Variants in ADGB observed in about 807,000 individuals in gnomAD.
ADGB encodes the protein calpain-7-like protein.
Under a neutral mutation model 210.5 loss-of-function variants are expected in ADGB, and 172 were observed. That is an observed-to-expected ratio of 0.82 (90% CI 0.72 to 0.93). The LOEUF is 0.93. ADGB is among the 40% of genes least tolerant of loss of function. The pLI is 0.00. For synonymous variants in ADGB, 658 were observed against 662.7 expected, an observed-to-expected ratio of 0.99 and a Z score of 0.11; for missense variants, 2,025 against 1,964.8, an observed-to-expected ratio of 1.03 and a Z score of -0.58.
At chr6:146,721,290 A>C (rs924356899) in intron 16 of ADGB, 113 bp from the exon 17 acceptor site, 2 of 688,354 alleles carry the variant, frequency 2.9e-6, no homozygotes, top group Non-Finnish European at 5.0e-6. Flanking sequence ...TGGTGCCTAC[A>C]ACACAGTAAG....
chr6:146,712,253 T>C (rs570399849), intron 13 of ADGB, among the ~76,000 whole-genome samples: 106 of 152,066 alleles, frequency 7.0e-4, no homozygotes, highest in Admixed American at 8.5e-4. Context: ...GGAGTGATCT[T>C]GGCTCACTGA....
intron 13 of ADGB, 115 bp downstream of exon 13, chr6:146,701,185 TAAAGA>T: frequency 4.3e-6 from 5 of 1,174,250 alleles, no homozygotes; most frequent in Non-Finnish European, 5.9e-6. Flanking sequence ...CTGAACAGTA[TAAAGA>T]ATAGTGTTAA....
intron 20 of ADGB, among the ~76,000 whole-genome samples, chr6:146,730,127 A>G (rs1323274537): frequency 1.3e-5 from 2 of 152,138 alleles, no homozygotes; most frequent in African/African-American, 4.8e-5. Context: ...GTATACTTCT[A>G]AAATTACTTA....
rs1210363838 is a variant in ADGB, at chr6:146,769,032, A to AT, written c.3765dup (p.Ile1256TyrfsTer8). The stretch of plus-strand genomic sequence containing the variant: ...TTTTATTTCACAGAATTACAAGTAT[A>AT]TTATACAGTGTTCGGTGTTGTATAA... On this transcript the variant is annotated frameshift_variant, in exon 29 of 36. Transcript: ENST00000397944. LOFTEE classifies it high-confidence loss of function. 7.3e-6 allele frequency: 11 copies of AT among 1,505,072 alleles called. No individual in the cohort carries two copies. The highest frequency in any genetic ancestry group is 9.9e-6 in the Non-Finnish European group (11 of 1,112,960). The allele number at this position is 1,505,072 out of a possible 1,614,324, so 93.2% of individuals were successfully genotyped here.
chr6:146,714,752 C>A (rs1776709160), intron 13 of ADGB, among the ~76,000 whole-genome samples: 3 of 152,154 alleles, frequency 2.0e-5, no homozygotes, highest in Admixed American at 6.5e-5. Context: ...TTGCTTTGCA[C>A]TTAGTATTTA....
intron 7 of ADGB, 55 bp from the exon 8 acceptor site, chr6:146,672,165 T>C: frequency 6.9e-7 from 1 of 1,448,862 alleles, no homozygotes. Context: ...CTTGCGAAGT[T>C]CAAGGAAAAA....
intron 7 of ADGB, among the ~76,000 whole-genome samples, chr6:146,669,221 G>A (rs1259300755): frequency 6.6e-6 from 1 of 152,034 alleles, no homozygotes; most frequent in Non-Finnish European, 1.5e-5. Context: ...TGTGCTAAAG[G>A]CCACTCTGCT....
intron 12 of ADGB, among the ~76,000 whole-genome samples, chr6:146,693,454 A>T (rs563773910): frequency 6.6e-6 from 1 of 152,304 alleles, no homozygotes; most frequent in South Asian, 2.1e-4. Context: ...ACCCATCCTG[A>T]CTGGTCTCAG....
intron 3 of ADGB, among the ~76,000 whole-genome samples, chr6:146,649,160 G>GTTT (rs567600494): frequency 2.4e-5 from 3 of 126,010 alleles, no homozygotes; most frequent in Non-Finnish European, 3.5e-5. Context: ...TTAAAGTTTT[G>GTTT]TTTTTTTTTT....
intron 13 of ADGB, among the ~76,000 whole-genome samples, chr6:146,702,776 T>C (rs1159098705): frequency 1.3e-5 from 2 of 151,962 alleles, no homozygotes; most frequent in African/African-American, 4.8e-5. Context: ...AAATCTTGGG[T>C]TGATTTTAAT....
chr6:146,780,075 A>G (rs1193595319), intron 29 of ADGB, among the ~76,000 whole-genome samples: 1 of 152,084 alleles, frequency 6.6e-6, no homozygotes, highest in African/African-American at 2.4e-5. Context: ...ATAAAGATGA[A>G]ATTTGTGATA....
At chr6:146,601,090 C>T (rs1371565132) in intron 1 of ADGB, among the ~76,000 whole-genome samples, 1 of 152,050 alleles carries the variant, frequency 6.6e-6, no homozygotes, top group Non-Finnish European at 1.5e-5. Flanking sequence ...TGTTAACTCC[C>T]ATAAAGAAAC....
At chr6:146,783,552 G>A (rs148188076) in intron 30 of ADGB, among the ~76,000 whole-genome samples, 104 of 152,288 alleles carry the variant, frequency 6.8e-4, no homozygotes, top group South Asian at 2.5e-3. Context: ...AATATACCCT[G>A]TGTTAAAAGG....
intron 1 of ADGB, among the ~76,000 whole-genome samples, chr6:146,612,661 C>A (rs1375035214): frequency 3.3e-5 from 5 of 152,040 alleles, no homozygotes; most frequent in Non-Finnish European, 7.4e-5. Flanking sequence ...TTTTCTTATC[C>A]AAATTACTTT....
intron 1 of ADGB, among the ~76,000 whole-genome samples, chr6:146,600,924 G>GCACACACA (rs1491470582): frequency 2.1e-5 from 1 of 47,508 alleles, no homozygotes; most frequent in African/African-American, 4.8e-5. Flanking sequence ...CCTCCCCCAT[G>GCACACACA]CGCACACACA....
chr6:146,764,149 T>A, intron 28 of ADGB, 49 bp downstream of exon 28: 1 of 1,432,270 alleles, frequency 7.0e-7, no homozygotes, highest in Non-Finnish European at 9.4e-7. Context: ...AACCCTAACA[T>A]AAAACAAAAC....
intron 17 of ADGB, among the ~76,000 whole-genome samples, chr6:146,723,534 G>A (rs574968746): frequency 4.0e-4 from 61 of 152,092 alleles, no homozygotes; most frequent in African/African-American, 1.4e-3. Context: ...TCAGGAGTTC[G>A]AGACCAGCCT....
chr6:146,706,286 A>G, intron 13 of ADGB, among the ~76,000 whole-genome samples: 1 of 133,450 alleles, frequency 7.5e-6, no homozygotes, highest in African/African-American at 2.8e-5. Flanking sequence ...TTTGAGATGG[A>G]GTCTTGCTCT....
intron 26 of ADGB, among the ~76,000 whole-genome samples, chr6:146,749,388 C>T (rs754380408): frequency 1.7e-4 from 26 of 152,064 alleles, no homozygotes; most frequent in Non-Finnish European, 1.0e-4. Flanking sequence ...AGACCTAGGA[C>T]AGAATATGAA....
Sources: allele counts gnomAD v4.1 joint callset (sites outside exome capture counted in the v4.1 genomes callset), GRCh38; gene constraint gnomAD v4.1.1; transcripts MANE v1.5; gene names NCBI Gene and HGNC (gene_info 2026-07-23, HGNC 2026-07-21).